Variants in GALNTL6 observed in about 807,000 individuals in gnomAD.
GALNTL6 encodes the protein polypeptide N-acetylgalactosaminyltransferase like 6.
GALNTL6 carries 46 observed loss-of-function variants against 73.7 expected under a neutral mutation model. The ratio of observed to expected loss-of-function variants is 0.62; its 90% CI spans 0.49 to 0.80. GALNTL6 has a LOEUF of 0.80. Ranked by LOEUF, GALNTL6 falls within the 30% of genes least tolerant of loss-of-function variation. The probability of loss-of-function intolerance (pLI) is 0.00; values close to 1 mark genes in which losing one functional copy is unlikely to be tolerated. For missense variants in GALNTL6, 604 were observed against 755.0 expected, an observed-to-expected ratio of 0.80 and a Z score of 2.34; for synonymous variants, 259 against 263.7, an observed-to-expected ratio of 0.98 and a Z score of 0.17.
intron 2 of GALNTL6, among the ~76,000 whole-genome samples, chr4:171,903,995 C>T (rs1445550112): frequency 6.6e-6 from 1 of 152,040 alleles, no homozygotes; most frequent in Admixed American, 6.5e-5. Context: ...CCCATCTGTA[C>T]ATCACCATCA....
At chr4:171,904,391 T>G (rs1737205111) in intron 2 of GALNTL6, among the ~76,000 whole-genome samples, 1 of 151,958 alleles carries the variant, frequency 6.6e-6, no homozygotes, top group Non-Finnish European at 1.5e-5. Context: ...AGAAAGGGTA[T>G]CAGCGATGGA....
At chr4:172,397,793 G>T (rs1487653428) in intron 5 of GALNTL6, among the ~76,000 whole-genome samples, 4 of 151,964 alleles carry the variant, frequency 2.6e-5, no homozygotes, top group Non-Finnish European at 5.9e-5. Context: ...TGGCCAGGAT[G>T]GTCTCGATCT....
chr4:172,554,343 T>G (rs890038014), intron 5 of GALNTL6, among the ~76,000 whole-genome samples: 33 of 152,310 alleles, frequency 2.2e-4, no homozygotes, highest in East Asian at 1.2e-3. Flanking sequence ...AAGTGGACAT[T>G]GGTTTCTAAA....
chr4:171,970,550 T>A (rs1415957286), intron 2 of GALNTL6, among the ~76,000 whole-genome samples: 2 of 152,200 alleles, frequency 1.3e-5, no homozygotes, highest in Non-Finnish European at 2.9e-5. Context: ...ATCTTAAAAA[T>A]TTTTAGTGGA....
intron 5 of GALNTL6, among the ~76,000 whole-genome samples, chr4:172,761,362 G>A (rs1410042480): frequency 6.6e-6 from 1 of 152,132 alleles, no homozygotes; most frequent in African/African-American, 2.4e-5. Flanking sequence ...AAAGTAATCA[G>A]TATTATATTA....
chr4:172,284,986 A>G lies in GALNTL6; in HGVS notation c.248-26628A>G, dbSNP rs547206647. ...TTATTCTAATTCTTTGAAAAATGAT[A>G]TTGGTATTTTAATAGGGATTGCAGT... On this transcript the variant is annotated intron_variant, in intron 3 of 12. Transcript: ENST00000506823. Among the ~76,000 whole-genome samples the G allele has an allele frequency of 3.3e-5, 5 of 152,306 alleles. No individual in the cohort carries two copies. The East Asian group carries it at 5.8e-4, about 18-fold the overall frequency.
intron 3 of GALNTL6, among the ~76,000 whole-genome samples, chr4:172,260,712 C>T (rs533875622): frequency 1.3e-5 from 2 of 151,546 alleles, no homozygotes; most frequent in South Asian, 4.1e-4. Context: ...TCAACTTTTC[C>T]CCATTCAGTA....
chr4:172,195,593 A>C (rs1271435858), intron 2 of GALNTL6, among the ~76,000 whole-genome samples: 5 of 152,214 alleles, frequency 3.3e-5, no homozygotes, highest in African/African-American at 1.2e-4. Flanking sequence ...GCAGTCAAGC[A>C]GAACAAAGCA....
chr4:172,071,008 G>A lies in GALNTL6; in HGVS notation c.139-158648G>A, dbSNP rs1246351722. ...AATCACAGAAACTTATTTAATCACA[G>A]AAGGTTTTACACATGTAATACATTT... is the stretch of plus-strand genomic sequence containing the variant. On this transcript the variant is annotated intron_variant, in intron 2 of 12. Coordinates refer to ENST00000506823, the MANE Select transcript of GALNTL6 (RefSeq NM_001034845.3). 1.8e-5 allele frequency among the ~76,000 whole-genome samples: 2 copies of A among 109,438 alleles called. 1 individual carries two copies. Among genetic ancestry groups the A allele is most frequent in the Non-Finnish European group, 4.1e-5 (2 of 49,316 alleles). The allele number at this position is 109,438 out of a possible 152,430, so 71.8% of individuals were successfully genotyped here. A position where few individuals can be genotyped will look rare whatever the true frequency, so the allele number is the denominator to read the frequency against.
At chr4:172,976,753 A>G (rs1430851172) in intron 10 of GALNTL6, among the ~76,000 whole-genome samples, 1 of 152,198 alleles carries the variant, frequency 6.6e-6, no homozygotes, top group African/African-American at 2.4e-5. Flanking sequence ...ACAGCAGCCT[A>G]AAGAAAAGGC....
intron 5 of GALNTL6, among the ~76,000 whole-genome samples, chr4:172,741,491 T>C (rs1485447638): frequency 1.3e-5 from 2 of 152,092 alleles, no homozygotes; most frequent in African/African-American, 4.8e-5. Context: ...TTCATATATG[T>C]ACATATACAT....
At chr4:172,620,781 G>A (rs950562713) in intron 5 of GALNTL6, among the ~76,000 whole-genome samples, 25 of 152,104 alleles carry the variant, frequency 1.6e-4, no homozygotes, top group African/African-American at 5.8e-4. Flanking sequence ...TCCCTGAGTT[G>A]TTAGCAAATT....
chr4:172,591,411 C>T (rs201996636), intron 5 of GALNTL6, among the ~76,000 whole-genome samples: 4,666 of 111,326 alleles, frequency 0.042, 109 homozygotes, highest in South Asian at 0.14. Flanking sequence ...TCTTTTGAAA[C>T]GCATAATTAG....
chr4:172,539,281 A>G (rs1173702315), intron 5 of GALNTL6, among the ~76,000 whole-genome samples: 1 of 152,174 alleles, frequency 6.6e-6, no homozygotes, highest in Admixed American at 6.5e-5. Context: ...CTTAGAAGAC[A>G]TTGTGGTTGT....
intron 5 of GALNTL6, among the ~76,000 whole-genome samples, chr4:172,779,898 C>G (rs980296797): frequency 1.3e-5 from 2 of 152,122 alleles, no homozygotes; most frequent in Non-Finnish European, 2.9e-5. Flanking sequence ...CATATTGAAG[C>G]TCACTTGGGA....
intron 5 of GALNTL6, among the ~76,000 whole-genome samples, chr4:172,688,088 C>T (rs1733041920): frequency 6.6e-6 from 1 of 152,158 alleles, no homozygotes; most frequent in African/African-American, 2.4e-5. Flanking sequence ...TTAAGAATTA[C>T]TTACAAAATT....
chr4:171,987,596 A>G lies in GALNTL6; in HGVS notation c.138+172878A>G, dbSNP rs553213651. Among the ~76,000 whole-genome samples, 430 of 152,234 alleles carry G rather than the reference A, an allele frequency of 2.8e-3. 3 individuals carry two copies. The highest frequency in any genetic ancestry group is 9.7e-3 in the African/African-American group (403 of 41,552). On this transcript the variant is annotated intron_variant, in intron 2 of 12. Transcript: ENST00000506823. ...CCGAGCTTGATGTGTAGGGAAGGGA[A>G]GGGGCCTGAATAATCCCTGAGGAGT...
chr4:172,670,314 CT>C (rs981584149), intron 5 of GALNTL6, among the ~76,000 whole-genome samples: 1 of 151,180 alleles, frequency 6.6e-6, no homozygotes, highest in African/African-American at 2.4e-5. Flanking sequence ...ACCAGCATCT[CT>C]TTTTTTTTAC....
intron 10 of GALNTL6, among the ~76,000 whole-genome samples, chr4:172,967,400 C>T (rs1464247901): frequency 1.3e-5 from 2 of 152,060 alleles, no homozygotes; most frequent in African/African-American, 4.8e-5. Flanking sequence ...ATACCAATCT[C>T]TAGCACAGGA....
Sources: allele counts gnomAD v4.1 joint callset (sites outside exome capture counted in the v4.1 genomes callset), GRCh38; gene constraint gnomAD v4.1.1; transcripts MANE v1.5; gene names NCBI Gene and HGNC (gene_info 2026-07-23, HGNC 2026-07-21).